The following FGFR2 variants were observed in gnomAD, a reference collection of about 807,000 sequenced individuals.
FGFR2 encodes BEK fibroblast growth factor receptor.
A neutral mutation model predicts 95.9 loss-of-function variants in FGFR2; 19 were observed. The ratio of observed to expected loss-of-function variants is 0.20; its 90% CI spans 0.14 to 0.29. The LOEUF (loss-of-function observed/expected upper bound fraction) is 0.29. FGFR2 is among the 10% of genes least tolerant of loss of function. The pLI is 1.00. For synonymous variants in FGFR2, 392 were observed against 393.3 expected (o/e 1.00, Z 0.04); for missense variants, 707 against 1,056.9 (o/e 0.67, Z 4.59).
At chr10:121,558,248 T>C (rs1044609425) in intron 4 of FGFR2, among the ~76,000 whole-genome samples, 1 of 152,244 alleles carries the variant, frequency 6.6e-6, no homozygotes, top group Non-Finnish European at 1.5e-5. Flanking sequence ...AGTTAACTTA[T>C]ACTTTTCTAT....
intron 17 of FGFR2, among the ~76,000 whole-genome samples, chr10:121,482,580 G>A (rs1044415654): frequency 3.4e-4 from 52 of 152,184 alleles, no homozygotes; most frequent in African/African-American, 1.2e-3. Context: ...GAACACTATT[G>A]TGCATCCTCA....
In FGFR2 at chr10:121,520,050, A is replaced by G. The variant is rs121918501; in HGVS notation, c.868T>C (p.Trp290Arg). 6.2e-7 allele frequency: 1 copy of G among 1,614,134 alleles called. No individual in the cohort carries two copies. The highest frequency in any genetic ancestry group is 8.5e-7 in the Non-Finnish European group (1 of 1,180,024). Residue 290 changes from tryptophan to arginine, a missense_variant, in exon 7 of 18, where the codon TGG becomes CGG. Physicochemically the swap from Trp to Arg is moderately radical, Grantham distance 101. This residue lies in a region of FGFR2 where 139 missense variants were observed against 278.1 expected (regional missense o/e 0.50). Coordinates refer to ENST00000358487, the MANE Select transcript of FGFR2 (RefSeq NM_000141.5). ...VYSDAQPHIQ[W>R]IKHVEKNGSK... ...CCGTTCTTTTCCACGTGCTTGATCC[A>G]CTGGATGTGGGGCTGGGCATCACTG...
At chr10:121,538,070 C>T (rs1853120789) in intron 6 of FGFR2, 2 of 482,276 alleles carry the variant, frequency 4.1e-6, no homozygotes, top group Non-Finnish European at 7.4e-6. Flanking sequence ...GAAATAGATG[C>T]CAGGAACAGA....
intron 2 of FGFR2, among the ~76,000 whole-genome samples, chr10:121,567,017 T>C (rs1857774556): frequency 6.6e-6 from 1 of 152,010 alleles, no homozygotes; most frequent in Non-Finnish European, 1.5e-5. Context: ...CAGTGAGAAG[T>C]GTGAATGGGA....
At chr10:121,499,728 G>A (rs947714837) in intron 11 of FGFR2, among the ~76,000 whole-genome samples, 11 of 152,214 alleles carry the variant, frequency 7.2e-5, no homozygotes, top group African/African-American at 2.7e-4. Context: ...ACGCAGCCAG[G>A]GGCTGCCTCA....
intron 15 of FGFR2, among the ~76,000 whole-genome samples, chr10:121,486,080 T>C (rs1242846569): frequency 6.6e-6 from 1 of 152,190 alleles, no homozygotes; most frequent in African/African-American, 2.4e-5. Context: ...ACAACAAAAC[T>C]GAACACATCT....
intron 6 of FGFR2, among the ~76,000 whole-genome samples, chr10:121,535,400 G>A (rs1852685500): frequency 1.3e-5 from 2 of 152,176 alleles, no homozygotes; most frequent in Admixed American, 1.3e-4. Flanking sequence ...AATTCACTAG[G>A]GGCCCCAGGT....
At chr10:121,509,421 G>GTT (rs199565234) in intron 9 of FGFR2, among the ~76,000 whole-genome samples, 74 of 126,934 alleles carry the variant, frequency 5.8e-4, no homozygotes, top group African/African-American at 1.8e-3. Context: ...GTGAGGAAGT[G>GTT]TTTTTTTTTT....
At chr10:121,514,955 C>T (rs950125006) in intron 9 of FGFR2, among the ~76,000 whole-genome samples, 162 bp downstream of exon 9, 1 of 152,186 alleles carries the variant, frequency 6.6e-6, no homozygotes. Flanking sequence ...ACTAGACTCT[C>T]CAAGCTCCAA....
chr10:121,593,599 T>C (rs868378105), intron 2 of FGFR2, 110 bp downstream of exon 2: 1 of 962,150 alleles, frequency 1.0e-6, no homozygotes, highest in South Asian at 1.4e-5. Context: ...TCTGGTGCTC[T>C]TAGAAGCCCC....
intron 4 of FGFR2, among the ~76,000 whole-genome samples, chr10:121,558,775 G>A (rs2134988854): frequency 6.6e-6 from 1 of 152,106 alleles, no homozygotes; most frequent in Non-Finnish European, 1.5e-5. Context: ...TTTTAGTAGA[G>A]ATGGAGTTTC....
chr10:121,522,169 A>G (rs915749925), intron 6 of FGFR2, among the ~76,000 whole-genome samples: 2 of 152,220 alleles, frequency 1.3e-5, no homozygotes, highest in African/African-American at 4.8e-5. Context: ...CAAGAGGCAT[A>G]AAGTTTCAGT....
chr10:121,532,629 A>G (rs1018176824), intron 6 of FGFR2, among the ~76,000 whole-genome samples: 1 of 152,124 alleles, frequency 6.6e-6, no homozygotes, highest in Non-Finnish European at 1.5e-5. Context: ...GCCCCAGCTC[A>G]GCTATCACAC....
intron 17 of FGFR2, chr10:121,481,867 C>T (rs1844766772): frequency 1.0e-5 from 2 of 197,006 alleles, no homozygotes; most frequent in Non-Finnish European, 1.9e-5. Flanking sequence ...GACGGAGTCT[C>T]GCTCTGTCGC....
intron 12 of FGFR2, 127 bp from the exon 13 acceptor site, chr10:121,496,849 G>A (rs1448865582): frequency 1.3e-5 from 11 of 821,162 alleles, no homozygotes; most frequent in South Asian, 8.1e-5. Context: ...AACATACAGC[G>A]GCTGGGCGTG....
intron 4 of FGFR2, among the ~76,000 whole-genome samples, chr10:121,554,415 T>C (rs1855828285): frequency 6.6e-6 from 1 of 151,344 alleles, no homozygotes; most frequent in African/African-American, 2.4e-5. Context: ...CTTGGCTCAC[T>C]GCAAGCTCTG....
chr10:121,550,605 T>G (rs1855247637), intron 5 of FGFR2, among the ~76,000 whole-genome samples: 2 of 152,174 alleles, frequency 1.3e-5, no homozygotes, highest in African/African-American at 4.8e-5. Flanking sequence ...CTCCAGTCTC[T>G]AATCCAAGTC....
At chr10:121,498,809 C>T (rs1328343237) in intron 11 of FGFR2, among the ~76,000 whole-genome samples, 1 of 152,214 alleles carries the variant, frequency 6.6e-6, no homozygotes, top group Non-Finnish European at 1.5e-5. Flanking sequence ...AAAGAGCTCA[C>T]TGGGGGGCCA....
At chr10:121,567,908 A>G (rs189927580) in intron 2 of FGFR2, among the ~76,000 whole-genome samples, 6 of 152,352 alleles carry the variant, frequency 3.9e-5, no homozygotes, top group Admixed American at 1.3e-4. Flanking sequence ...TCCCTGTTGT[A>G]TAAGACAATC....
Sources: gnomAD v4.1 joint callset for allele counts (sites outside exome capture counted in the v4.1 genomes callset) on GRCh38, gnomAD v4.1.1 for gene constraint, gnomAD v4.1.1 regional missense constraint, MANE v1.5 for transcripts, NCBI Gene and HGNC (gene_info 2026-07-23, HGNC 2026-07-21) for gene names.